Variants in ATPAF2 observed in about 807,000 individuals in gnomAD.
ATPAF2 encodes the protein ATP synthase mitochondrial F1 complex assembly factor 2.
ATPAF2 carries 30 observed loss-of-function variants against 36.6 expected under a neutral mutation model. That is an observed-to-expected ratio of 0.82 (90% CI 0.61 to 1.11). ATPAF2 has a LOEUF of 1.11. ATPAF2 is among the 50% of genes most tolerant of loss of function. The pLI, the probability that ATPAF2 is intolerant of heterozygous loss-of-function variation, is 0.00. For missense variants in ATPAF2, 321 were observed against 372.3 expected, an observed-to-expected ratio of 0.86 and a Z score of 1.13; for synonymous variants, 140 against 152.6, an observed-to-expected ratio of 0.92 and a Z score of 0.61.
intron 2 of ATPAF2, 41 bp from the exon 3 acceptor site, chr17:18,028,418 T>C (rs1461108140): frequency 1.2e-6 from 2 of 1,608,476 alleles, no homozygotes; most frequent in African/African-American, 2.7e-5. Flanking sequence ...ATTTGTTAAG[T>C]GGAATCAAGT....
rs34473758 is a variant in ATPAF2, at chr17:18,022,594, CT to C, written c.504-738del. On this transcript the variant is annotated intron_variant, in intron 5 of 7. Coordinates refer to ENST00000474627, the MANE Select transcript of ATPAF2 (RefSeq NM_145691.4). ...ACCAGTCAGCAGTCATTTTTTCAAA[CT>C]TTTTTTTTTTTTTTTTTTTTTGAGA... Among the ~76,000 whole-genome samples, 383 of 121,396 alleles carry C rather than the reference CT, an allele frequency of 3.2e-3. 1 individual carries two copies. Among genetic ancestry groups the C allele is most frequent in the Middle Eastern group, 0.013 (3 of 236 alleles). The allele number at this position is 121,396 out of a possible 152,430, so 79.6% of individuals were successfully genotyped here.
intron 3 of ATPAF2, among the ~76,000 whole-genome samples, chr17:18,027,594 G>C (rs1478237706): frequency 6.6e-6 from 1 of 152,236 alleles, no homozygotes; most frequent in Non-Finnish European, 1.5e-5. Context: ...ACCTGCCCAA[G>C]GTTACAGTTT....
At chr17:18,016,657 G>A (rs760010947), downstream of ATPAF2, 6 of 1,608,182 alleles carry the variant, frequency 3.7e-6, no homozygotes, top group East Asian at 2.2e-5. Context: ...GGAATGTGGC[G>A]ACATCCTAGA....
chr17:18,031,283 A>G (rs1012619945), intron 1 of ATPAF2, among the ~76,000 whole-genome samples: 9 of 151,908 alleles, frequency 5.9e-5, no homozygotes, highest in Middle Eastern at 3.4e-3. Context: ...CCTACTCCAA[A>G]TATTTTTATG....
At chr17:18,023,399 G>A (rs1365550656) in intron 5 of ATPAF2, among the ~76,000 whole-genome samples, 1 of 152,196 alleles carries the variant, frequency 6.6e-6, no homozygotes, top group African/African-American at 2.4e-5. Context: ...CTGCACTCCA[G>A]CCTGGGCGAC....
chr17:18,016,749 C>A, downstream of ATPAF2: 1 of 864,056 alleles, frequency 1.2e-6, no homozygotes. Context: ...ACGCCTCACC[C>A]GCACCTCTAG....
At chr17:18,023,267 C>T (rs2145492061) in intron 5 of ATPAF2, among the ~76,000 whole-genome samples, 1 of 151,860 alleles carries the variant, frequency 6.6e-6, no homozygotes, top group African/African-American at 2.4e-5. Flanking sequence ...CCCATCTCTA[C>T]TAAAAACACA....
chr17:18,028,461 GCAGA>G (rs2044579801), intron 2 of ATPAF2, 84 bp from the exon 3 acceptor site: 1 of 1,576,048 alleles, frequency 6.3e-7, no homozygotes, highest in East Asian at 2.2e-5. Flanking sequence ...TTGAATTGGT[GCAGA>G]CAAAGCCAAC....
At chr17:18,026,755 T>C (rs1467930731) in intron 3 of ATPAF2, 1 of 396,058 alleles carries the variant, frequency 2.5e-6, no homozygotes, top group Non-Finnish European at 4.7e-6. Flanking sequence ...GTACTATTAT[T>C]ATGTCCATCT....
chr17:18,022,141 A>T (rs979403282), intron 5 of ATPAF2, among the ~76,000 whole-genome samples: 1 of 152,232 alleles, frequency 6.6e-6, no homozygotes, highest in African/African-American at 2.4e-5. Context: ...TGAAATGCTC[A>T]TTCATTCACC....
Position 18,026,368 on chromosome 17 carries a change from C to A in ATPAF2, c.373G>T (p.Asp125Tyr). 1.9e-6 allele frequency: 3 copies of A among 1,614,222 alleles called. No homozygotes were observed. Among genetic ancestry groups the A allele is most frequent in the Non-Finnish European group, 2.5e-6 (3 of 1,180,044 alleles). Reference protein sequence around the residue: ...SLDNPTQRNKDQLIRAAVKFL... With the variant: ...SLDNPTQRNKYQLIRAAVKFL... Reference sequence around the variant, plus strand: ...TTCACGGCTGCCCGGATCAGCTGATCCTTGTTTCTCTGGGTTGGGTTGTCC... The same window carrying A: ...TTCACGGCTGCCCGGATCAGCTGATACTTGTTTCTCTGGGTTGGGTTGTCC... Residue 125 changes from aspartate to tyrosine, a missense_variant, in exon 4 of 8, where the codon GAT becomes TAT. Asp to Tyr is a radical substitution (Grantham distance 160, BLOSUM62 -3). Around this residue, in one of 3 missense-constraint regions of ATPAF2, gnomAD observed 199 missense variants for 220.6 expected, o/e 0.90. Transcript: ENST00000474627.
At chr17:18,022,307 G>C (rs929576591) in intron 5 of ATPAF2, among the ~76,000 whole-genome samples, 1 of 151,976 alleles carries the variant, frequency 6.6e-6, no homozygotes, top group South Asian at 2.1e-4. Flanking sequence ...ATTGAGACAG[G>C]GTCTCGCTCT....
chr17:18,022,642 C>T (rs2044485899), intron 5 of ATPAF2, among the ~76,000 whole-genome samples: 2 of 143,128 alleles, frequency 1.4e-5, no homozygotes, highest in South Asian at 4.5e-4. Context: ...TTGCTTTCTA[C>T]CCCAGGCTGA....
chr17:18,029,097 G>A (rs1433344407), intron 1 of ATPAF2, among the ~76,000 whole-genome samples: 3 of 152,214 alleles, frequency 2.0e-5, no homozygotes, highest in East Asian at 1.9e-4. Context: ...GTGTGCGTGC[G>A]CAGGGTGTGC....
Position 18,018,471 on chromosome 17 carries a change from A to G in ATPAF2, c.*78T>C. ...CCCAAAAGCCAAGGAAGCCAGCCCC[A>G]CAGGCTGGGGAGCCCTGAAGGCCGG... On this transcript the variant is annotated 3_prime_UTR_variant, in exon 8 of 8. Coordinates refer to ENST00000474627, the MANE Select transcript of ATPAF2 (RefSeq NM_145691.4). The G allele has an allele frequency of 1.3e-6, 2 of 1,596,442 alleles. No homozygotes were observed. The highest frequency in any genetic ancestry group is 1.7e-6 in the Non-Finnish European group (2 of 1,174,158).
downstream of ATPAF2, chr17:18,016,085 A>G (rs757590413): frequency 1.2e-6 from 2 of 1,614,002 alleles, no homozygotes; most frequent in Middle Eastern, 1.7e-4. Flanking sequence ...TAAAGATACG[A>G]TTGTTAATGC....
intron 1 of ATPAF2, among the ~76,000 whole-genome samples, chr17:18,031,663 C>T (rs1006977743): frequency 2.6e-5 from 4 of 151,992 alleles, no homozygotes; most frequent in Non-Finnish European, 4.4e-5. Flanking sequence ...GCCTGTAGTC[C>T]CAGCTACTTG....
downstream of ATPAF2, chr17:18,016,668 C>T (rs200764081): frequency 4.8e-4 from 776 of 1,602,738 alleles, no homozygotes; most frequent in Admixed American, 9.8e-4. Flanking sequence ...ACATCCTAGA[C>T]TAGATGAATG....
intron 1 of ATPAF2, among the ~76,000 whole-genome samples, chr17:18,030,916 A>C (rs1375261506): frequency 3.0e-5 from 3 of 101,444 alleles, no homozygotes; most frequent in South Asian, 3.4e-4. Flanking sequence ...CTCGTGATCC[A>C]CCTGCCTTGG....
Sources: gnomAD v4.1 joint callset for allele counts (sites outside exome capture counted in the v4.1 genomes callset) on GRCh38, gnomAD v4.1.1 for gene constraint, gnomAD v4.1.1 regional missense constraint, MANE v1.5 for transcripts, NCBI Gene and HGNC (gene_info 2026-07-23, HGNC 2026-07-21) for gene names.